DPP6: variants seen among roughly 807,000 people sequenced by gnomAD.
The protein encoded by DPP6 is A-type potassium channel modulatory protein DPP6.
DPP6 carries 69 observed loss-of-function variants against 122.6 expected under a neutral mutation model. The ratio of observed to expected loss-of-function variants is 0.56; its 90% CI spans 0.46 to 0.69. DPP6 has a LOEUF of 0.69. DPP6 is among the 30% of genes least tolerant of loss of function. DPP6 has a pLI of 0.00. For missense variants in DPP6, 928 were observed against 1,116.9 expected (o/e 0.83, Z 2.41); for synonymous variants, 418 against 433.1 (o/e 0.97, Z 0.43).
chr7:153,971,106 G>C (rs968388035), intron 1 of DPP6, among the ~76,000 whole-genome samples: 1 of 151,984 alleles, frequency 6.6e-6, no homozygotes, highest in South Asian at 2.1e-4. Context: ...GTGTATTTGC[G>C]TGTAGATCTC....
intron 1 of DPP6, among the ~76,000 whole-genome samples, chr7:154,245,288 A>T (rs1365020055): frequency 1.3e-5 from 2 of 152,014 alleles, no homozygotes; most frequent in African/African-American, 4.8e-5. Context: ...AGACACAGAT[A>T]GGTTGAAAAG....
chr7:154,590,229 G>A (rs1320568915), intron 5 of DPP6, among the ~76,000 whole-genome samples: 1 of 152,180 alleles, frequency 6.6e-6, no homozygotes, highest in Non-Finnish European at 1.5e-5. Flanking sequence ...GCCCAGGGGA[G>A]CATCTCTAGC....
chr7:153,986,845 T>A (rs867967893), intron 1 of DPP6, among the ~76,000 whole-genome samples: 64 of 151,950 alleles, frequency 4.2e-4, no homozygotes, highest in African/African-American at 1.3e-3. Flanking sequence ...CTTCTCCATC[T>A]CTTTATCCTG....
At chr7:154,232,011 C>T (rs1232414384) in intron 1 of DPP6, among the ~76,000 whole-genome samples, 1 of 152,138 alleles carries the variant, frequency 6.6e-6, no homozygotes, top group Non-Finnish European at 1.5e-5. Flanking sequence ...AGGGACTTAC[C>T]CTCAAACAGC....
intron 1 of DPP6, among the ~76,000 whole-genome samples, chr7:154,211,991 C>T (rs1441239975): frequency 7.1e-6 from 1 of 140,382 alleles, no homozygotes; most frequent in African/African-American, 2.5e-5. Flanking sequence ...CCCTTCCTCC[C>T]TCATCTCAGC....
intron 1 of DPP6, among the ~76,000 whole-genome samples, chr7:154,324,283 G>T (rs1808229110): frequency 6.6e-6 from 1 of 152,170 alleles, no homozygotes; most frequent in East Asian, 1.9e-4. Flanking sequence ...GGTACCCTTT[G>T]TTCTGTTCCA....
At chr7:154,885,258 A>T (rs1379050254) in intron 21 of DPP6, 1 of 201,496 alleles carries the variant, frequency 5.0e-6, no homozygotes, top group Non-Finnish European at 1.0e-5. Context: ...AATCATGTGC[A>T]GTGGCTTGGC....
chr7:154,032,154 A>G (rs1216010112), intron 1 of DPP6, among the ~76,000 whole-genome samples: 1 of 151,946 alleles, frequency 6.6e-6, no homozygotes, highest in East Asian at 1.9e-4. Context: ...GATTACAGGC[A>G]TGAGCAGGAG....
intron 16 of DPP6, among the ~76,000 whole-genome samples, chr7:154,829,846 A>G (rs1800492625): frequency 6.6e-6 from 1 of 152,054 alleles, no homozygotes; most frequent in Non-Finnish European, 1.5e-5. Flanking sequence ...TCTGCTCCTC[A>G]TGTGGAATCT....
rs574613173 is a variant in DPP6, at chr7:154,071,876, A to G, written c.243+18813A>G. ...CAACTTCCCTCTGTGATACAAGGGA[A>G]AAATGCAGCTAAATTAGTCTAAAAT... On this transcript the variant is annotated intron_variant, in intron 1 of 25. Transcript: ENST00000377770. Among the ~76,000 whole-genome samples the G allele has an allele frequency of 6.6e-5, 10 of 152,328 alleles. No individual in the cohort carries two copies. The East Asian group carries it at 1.4e-3, about 21-fold the overall frequency.
rs3220067 is a variant in DPP6 at position 154,669,538 on chromosome 7, TTGTGTG to T, written c.762+121_762+126del. ...CACTGTACTCAGCCTGTACATGGTG[TTGTGTG>T]TGTGTGTGTGTGTGTGTGTGTGTAA... On this transcript the variant is annotated intron_variant, in intron 7 of 25. Coordinates refer to ENST00000377770, the MANE Select transcript of DPP6 (RefSeq NM_130797.4). 0.28 allele frequency: 320,943 copies of T among 1,162,194 alleles called. 25,406 individuals carry two copies. Among genetic ancestry groups the T allele is most frequent in the Middle Eastern group, 0.3 (1,408 of 4,764 alleles). 72.0% of individuals were successfully genotyped at this position (1,162,194 alleles called of 1,614,324 possible). A position where few individuals can be genotyped will look rare whatever the true frequency, so the allele number is the denominator to read the frequency against.
Position 154,893,735 on chromosome 7 carries a change from G to A in DPP6, c.*1255G>A, listed in dbSNP as rs1231334458. The stretch of plus-strand genomic sequence containing the variant: ...ATATAAAGGAAGCAATGTGTGTCAG[G>A]CCTCTGTGCAGTCAACCCAGCCTCC... On this transcript the variant is annotated 3_prime_UTR_variant, in exon 26 of 26. Coordinates refer to ENST00000377770, the MANE Select transcript of DPP6 (RefSeq NM_130797.4). The A allele has an allele frequency of 6.6e-6, 1 of 152,168 alleles. No individual in the cohort carries two copies. The highest frequency in any genetic ancestry group is 1.5e-5 in the Non-Finnish European group (1 of 68,054). 9.4% of individuals were successfully genotyped at this position (152,168 alleles called of 1,614,324 possible).
intron 16 of DPP6, among the ~76,000 whole-genome samples, chr7:154,823,246 T>C (rs1176339504): frequency 6.6e-5 from 10 of 152,298 alleles, no homozygotes; most frequent in Non-Finnish European, 1.2e-4. Context: ...TTGTAAACAA[T>C]GAAAGAGAAT....
At chr7:153,856,925 G>A in the DPP6 span, among the ~76,000 whole-genome samples, 4 of 152,160 alleles carry the variant, frequency 2.6e-5, no homozygotes, top group Non-Finnish European at 4.4e-5. Flanking sequence ...AAGTCAGGGT[G>A]ATTTGTGGAG....
intron 5 of DPP6, among the ~76,000 whole-genome samples, chr7:154,617,350 G>A (rs1477375531): frequency 1.3e-5 from 2 of 152,216 alleles, no homozygotes; most frequent in Non-Finnish European, 2.9e-5. Context: ...TGCAGTTAAG[G>A]ATCCTGGAAT....
chr7:154,856,406 G>A (rs1424376326), intron 17 of DPP6, among the ~76,000 whole-genome samples: 2 of 152,230 alleles, frequency 1.3e-5, no homozygotes, highest in Admixed American at 1.3e-4. Context: ...TCATGTGTGA[G>A]TGAAAATGAA....
chr7:154,329,442 CTTAT>C (rs1380963371), intron 1 of DPP6, among the ~76,000 whole-genome samples: 11 of 152,146 alleles, frequency 7.2e-5, no homozygotes, highest in African/African-American at 7.2e-5. Context: ...TTTTGATTGG[CTTAT>C]TTGTTATTAG....
At chr7:154,474,723 C>T (rs912191705) in intron 2 of DPP6, among the ~76,000 whole-genome samples, 1 of 152,126 alleles carries the variant, frequency 6.6e-6, no homozygotes, top group Admixed American at 6.5e-5. Flanking sequence ...GGTGAGAAGG[C>T]GTGATGCCGT....
chr7:153,828,190 G>A, the DPP6 span, among the ~76,000 whole-genome samples: 1 of 152,182 alleles, frequency 6.6e-6, no homozygotes, highest in Non-Finnish European at 1.5e-5. Flanking sequence ...CTGCAGTGCA[G>A]TGTCCGAGAG....
Sources: gnomAD v4.1 joint callset for allele counts (sites outside exome capture counted in the v4.1 genomes callset) on GRCh38, gnomAD v4.1.1 for gene constraint, MANE v1.5 for transcripts, NCBI Gene and HGNC (gene_info 2026-07-23, HGNC 2026-07-21) for gene names.